The following ZBTB38 variants were observed in gnomAD, a reference collection of about 807,000 sequenced individuals.
ZBTB38 encodes the protein zinc finger and BTB domain-containing protein 38.
Under a neutral mutation model 76.8 loss-of-function variants are expected in ZBTB38, and 20 were observed. That is an observed-to-expected ratio of 0.26 (90% CI 0.18 to 0.38). ZBTB38 has a LOEUF of 0.38. Among genes scored for constraint, ZBTB38 ranks in the 10% least tolerant of loss-of-function variants. The pLI is 1.00. For missense variants in ZBTB38, 1,082 were observed against 1,482.3 expected (o/e 0.73, Z 4.43); for synonymous variants, 504 against 544.2 (o/e 0.93, Z 1.03).
In ZBTB38 at chr3:141,443,218, C is replaced by T; in HGVS notation, c.830C>T (p.Ser277Leu). 6.2e-7 allele frequency: 1 copy of T among 1,614,214 alleles called. No homozygotes were observed. Among genetic ancestry groups the T allele is most frequent in the South Asian group, 1.1e-5 (1 of 91,078 alleles). Residue 277 changes from serine (S) to leucine (L), a missense_variant, in exon 6 of 6, where the codon TCA (serine) becomes TTA (leucine). Transcript: ENST00000321464. The surrounding 1 kb of genome is among the most constrained non-coding windows in gnomAD (Gnocchi z 5.6). ...TTCTCCATACCACAGGATTCGGATT[C>T]AGCCACAGAAAATATACCACCCCCT... ...KTFSIPQDSDSATENIPPPPV... is the reference protein window; with the variant it reads ...KTFSIPQDSDLATENIPPPPV...
At chr3:141,440,113 G>C (rs1054821022) in intron 5 of ZBTB38, among the ~76,000 whole-genome samples, 2 of 152,318 alleles carry the variant, frequency 1.3e-5, no homozygotes, top group Non-Finnish European at 2.9e-5. Flanking sequence ...GAAGATTACA[G>C]TTAAAGGCAG....
Position 141,350,296 on chromosome 3 carries a change from A to G in ZBTB38, c.-738-18325A>G, listed in dbSNP as rs185540808. ...AGTCTAGGAGTTGAAAATGAGTAAC[A>G]GGGCTTACATTATGGTGACCATGAA... On this transcript the variant is annotated intron_variant, in intron 1 of 7. Coordinates refer to the ZBTB38 transcript ENST00000509842. Among the ~76,000 whole-genome samples, 201 of 152,330 alleles carry G rather than the reference A, an allele frequency of 1.3e-3. 1 individual carries two copies. The highest frequency in any genetic ancestry group is 4.6e-3 in the African/African-American group (192 of 41,576).
chr3:141,392,737 T>A (rs1949265526), intron 4 of ZBTB38: 1 of 152,196 alleles, frequency 6.6e-6, no homozygotes, highest in Admixed American at 6.5e-5. Flanking sequence ...GAGCAGATGT[T>A]AAGTTGAGAA....
At chr3:141,398,140 G>A (rs1468460551) in intron 4 of ZBTB38, among the ~76,000 whole-genome samples, 2 of 152,158 alleles carry the variant, frequency 1.3e-5, no homozygotes, top group East Asian at 3.8e-4. Context: ...ACAAAAACAG[G>A]TATCAGGCCA....
intron 5 of ZBTB38, chr3:141,426,052 C>T: frequency 2.0e-6 from 2 of 1,015,230 alleles, no homozygotes; most frequent in Middle Eastern, 2.4e-4. Context: ...TTCCTCCTGT[C>T]AAATGATGTC....
In ZBTB38 at chr3:141,444,722, G is replaced by C; in HGVS notation, c.2334G>C (p.Lys778Asn). The change falls in exon 6 of 6, where the codon AAG becomes AAC. Residue 778 changes from lysine (K) to asparagine (N), a missense_variant. Transcript: ENST00000321464. The surrounding 1 kb of genome is among the most constrained non-coding windows in gnomAD (Gnocchi z 5.1). ...ASRPKSIKEK[K>N]KTTSHTRGEI... The stretch of plus-strand genomic sequence containing the variant: ...GACCCAAAAGCATTAAGGAGAAAAA[G>C]AAAACTACATCACATACCAGGGGAG... 1.2e-6 allele frequency: 2 copies of C among 1,614,102 alleles called. No individual in the cohort carries two copies. Among genetic ancestry groups the C allele is most frequent in the Non-Finnish European group, 1.7e-6 (2 of 1,180,016 alleles).
At chr3:141,437,803 T>C (rs1415226700) in intron 5 of ZBTB38, among the ~76,000 whole-genome samples, 1 of 152,252 alleles carries the variant, frequency 6.6e-6, no homozygotes, top group Non-Finnish European at 1.5e-5. Flanking sequence ...TTTTGATGCC[T>C]GACCAGGTTT....
At chr3:141,406,758 G>C (rs1954623899) in intron 5 of ZBTB38, among the ~76,000 whole-genome samples, 1 of 152,164 alleles carries the variant, frequency 6.6e-6, no homozygotes, top group Non-Finnish European at 1.5e-5. Flanking sequence ...AAGAACCATG[G>C]AGGAATGCAA....
intron 1 of ZBTB38, among the ~76,000 whole-genome samples, chr3:141,354,874 A>C (rs1024198122): frequency 3.3e-5 from 5 of 152,058 alleles, no homozygotes; most frequent in Non-Finnish European, 5.9e-5. Flanking sequence ...GGAGAATGAT[A>C]GGCGTAACCA....
Position 141,442,056 on chromosome 3 carries a change from G to A in ZBTB38, c.1-333G>A, listed in dbSNP as rs1445208164. Among the ~76,000 whole-genome samples, 2 of 150,324 alleles carry A rather than the reference G, an allele frequency of 1.3e-5. No homozygotes were observed. The highest frequency in any genetic ancestry group is 4.9e-5 in the African/African-American group (2 of 40,906). ...CAAAGCAGCAGCCTTGAATGATGAT[G>A]AGACCCTTAACATTTCAGAAAAAAA... is the stretch of plus-strand genomic sequence containing the variant. On this transcript the variant is annotated intron_variant, in intron 5 of 5. Coordinates refer to ENST00000321464, the MANE Select transcript of ZBTB38 (RefSeq NM_001376113.1). The surrounding 1 kb of genome is among the most constrained non-coding windows in gnomAD (Gnocchi z 6.4).
upstream of ZBTB38, among the ~76,000 whole-genome samples, chr3:141,364,149 G>A (rs114661755): frequency 0.018 from 2,753 of 151,728 alleles, 41 homozygotes; most frequent in Non-Finnish European, 0.027. Context: ...AAATTAGGCC[G>A]AGTGTGGTGG....
intron 5 of ZBTB38, among the ~76,000 whole-genome samples, chr3:141,422,622 GA>G: frequency 6.6e-6 from 1 of 152,272 alleles, no homozygotes; most frequent in African/African-American, 2.4e-5. Flanking sequence ...ACTTGGACGG[GA>G]AGGGGCAACG....
At chr3:141,391,584 C>T (rs776015537) in intron 4 of ZBTB38, among the ~76,000 whole-genome samples, 75 of 152,276 alleles carry the variant, frequency 4.9e-4, no homozygotes, top group Non-Finnish European at 7.8e-4. Context: ...CATTGCAGTG[C>T]TAGGTGGTGA....
chr3:141,398,455 A>T (rs575505317), intron 4 of ZBTB38, among the ~76,000 whole-genome samples: 1 of 152,308 alleles, frequency 6.6e-6, no homozygotes, highest in South Asian at 2.1e-4. Flanking sequence ...TAGACAAACT[A>T]TGTATCTTCT....
chr3:141,445,323 A>G lies in ZBTB38; in HGVS notation c.2935A>G (p.Met979Val). Residue 979 changes from methionine (M) to valine (V), a missense_variant, in exon 6 of 6, where the codon ATG (methionine) becomes GTG (valine). This residue lies in a region of ZBTB38 where 471 missense variants were observed against 581.0 expected (regional missense o/e 0.81). Transcript: ENST00000321464. This position sits in a 1 kb window ranked among gnomAD's most constrained non-coding sequence, Gnocchi z 6.5. ...CTTTGAGGAAGAAGAAACTAAAGAG[A>G]TGCCCAAGCTGCAGTGTGAACTCTG... is the stretch of plus-strand genomic sequence containing the variant. ...KPFEEEETKEMPKLQCELCDG... is the reference protein window; with the variant it reads ...KPFEEEETKEVPKLQCELCDG... The G allele has an allele frequency of 6.2e-7, 1 of 1,614,160 alleles. No individual in the cohort carries two copies. Among genetic ancestry groups the G allele is most frequent in the South Asian group, 1.1e-5 (1 of 91,084 alleles).
In ZBTB38 at chr3:141,444,405, G is replaced by T. The variant is rs374772371; in HGVS notation, c.2017G>T (p.Val673Leu). ...TGACAATAACTTTTATTCAACTGAG[G>T]TGTCAGTTTCTTCCACTGAAAATGC... ...DLDNNFYSTE[V>L]SVSSTENAVS... Residue 673 changes from valine (V) to leucine (L), a missense_variant, in exon 6 of 6, where the codon GTG (valine) becomes TTG (leucine). Val to Leu is a conservative substitution (Grantham distance 32, BLOSUM62 1). Around this residue, in one of 8 missense-constraint regions of ZBTB38, gnomAD observed 471 missense variants for 581.0 expected, o/e 0.81. Coordinates refer to ENST00000321464, the MANE Select transcript of ZBTB38 (RefSeq NM_001376113.1). The surrounding 1 kb of genome is among the most constrained non-coding windows in gnomAD (Gnocchi z 5.1). 3.7e-6 allele frequency: 6 copies of T among 1,613,916 alleles called. No homozygotes were observed. The African/African-American group carries it at 8.0e-5, about 22-fold the overall frequency.
rs1341548003 is a variant in ZBTB38, at chr3:141,442,949, A to T, written c.561A>T (p.Ala187=). 1.9e-6 allele frequency: 3 copies of T among 1,614,230 alleles called. No homozygotes were observed. Among genetic ancestry groups the T allele is most frequent in the Non-Finnish European group, 2.5e-6 (3 of 1,180,044 alleles). ...TGTTTTCCCCGCTGGACTTGAGGGC[A>T]AGTTTCAAAAAGGTCTCCGACTCCA... ...NNMFSPLDLR[A]SFKKVSDSMR... The change falls in exon 6 of 6, where the codon GCA becomes GCT. Residue 187 remains alanine (A), a synonymous_variant. Transcript: ENST00000321464. The surrounding 1 kb of genome is among the most constrained non-coding windows in gnomAD (Gnocchi z 6.4).
At chr3:141,371,045 CTTTTTTTT>C (rs754872291) in intron 2 of ZBTB38, among the ~76,000 whole-genome samples, 25 of 72,014 alleles carry the variant, frequency 3.5e-4, no homozygotes, top group South Asian at 9.1e-4. Flanking sequence ...TTCTTTCTTT[CTTTTTTTT>C]TTTTTTTTTT....
At chr3:141,353,334 TC>T (rs1344456848) in intron 1 of ZBTB38, among the ~76,000 whole-genome samples, 1 of 152,084 alleles carries the variant, frequency 6.6e-6, no homozygotes, top group Non-Finnish European at 1.5e-5. Flanking sequence ...TGCCCCTTTT[TC>T]ATCTTTCCCC....
Sources: allele counts gnomAD v4.1 joint callset (sites outside exome capture counted in the v4.1 genomes callset), GRCh38; gene constraint gnomAD v4.1.1; regional missense constraint gnomAD v4.1.1; non-coding constraint Gnocchi (gnomAD v3.1); transcripts MANE v1.5; gene names NCBI Gene and HGNC (gene_info 2026-07-23, HGNC 2026-07-21).